GREP1: variants seen among roughly 807,000 people sequenced by gnomAD.
The protein encoded by GREP1 is glycine rich extracellular protein 1, also known as glycine-rich extracellular protein 1.
exon 32 of GREP1, chr16:3,000,581 C>A (rs2072455682): frequency 2.5e-6 from 1 of 398,942 alleles, no homozygotes; most frequent in East Asian, 3.6e-5. Context: ...CTGGTGTACC[C>A]CAAAGCAGCA....
exon 16 of GREP1, chr16:2,995,637 G>T: frequency 2.5e-6 from 1 of 398,094 alleles, no homozygotes; most frequent in South Asian, 1.3e-4. Flanking sequence ...GCCCAGAACC[G>T]ATTTGGATTT....
intron 5 of GREP1, chr16:2,990,330 C>T (rs1486374244): frequency 2.5e-6 from 1 of 398,332 alleles, no homozygotes; most frequent in Non-Finnish European, 4.4e-6. Flanking sequence ...CCCACGAGCC[C>T]TTCCACTAAG....
chr16:2,996,811 G>T, intron 20 of GREP1, 106 bp downstream of exon 19: 1 of 398,852 alleles, frequency 2.5e-6, no homozygotes, highest in South Asian at 1.3e-4. Context: ...CCTCATGAGT[G>T]AGGGGAGGTC....
intron 27 of GREP1, among the ~76,000 whole-genome samples, chr16:2,999,479 C>CTTTTTTT (rs35368761): frequency 1.3e-5 from 1 of 75,500 alleles, no homozygotes; most frequent in Non-Finnish European, 2.4e-5. Flanking sequence ...CCCTCTTGCT[C>CTTTTTTT]TTTTTTTTTT....
chr16:2,991,100 AGGTGAGGAAACGTCG>A lies in GREP1; in HGVS notation c.322+4_322+18del, dbSNP rs2072396819. 3 of 399,030 alleles carry A rather than the reference AGGTGAGGAAACGTCG, an allele frequency of 7.5e-6. No individual in the cohort carries two copies. The highest frequency in any genetic ancestry group is 1.3e-4 in the South Asian group (1 of 7,866). The allele number at this position is 399,030 out of a possible 1,614,324, so 24.7% of individuals were successfully genotyped here. On this transcript the variant is annotated splice_donor_variant and splice_donor_5th_base_variant and coding_sequence_variant and intron_variant, in exon 8 of 35. Transcript: ENST00000573315. LOFTEE classifies it high-confidence loss of function. The surrounding 1 kb of genome is among the most constrained non-coding windows in gnomAD (Gnocchi z 4.9). ...CCTTCCCAGTGGCCGGAGCCCAGTC[AGGTGAGGAAACGTCG>A]GGTGTGGCAGGACCTGGGCTTCCAG...
At chr16:2,994,490 C>T in intron 10 of GREP1, 1 of 379,354 alleles carries the variant, frequency 2.6e-6, no homozygotes, top group Non-Finnish European at 4.7e-6. Flanking sequence ...GCCTGGGCAA[C>T]AAGAGCGAGA....
intron 10 of GREP1, 119 bp from the exon 12 acceptor site, chr16:2,994,579 G>A (rs2072414924): frequency 2.5e-6 from 1 of 398,156 alleles, no homozygotes; most frequent in Admixed American, 4.4e-5. Context: ...GGAGGCTGCT[G>A]AGGAAAGGAA....
At chr16:2,997,257 A>G (rs879612883) in intron 21 of GREP1, 172 bp downstream of exon 20, 1 of 398,692 alleles carries the variant, frequency 2.5e-6, no homozygotes, top group Admixed American at 4.4e-5. Context: ...GCAGGTGGAC[A>G]CCAAAATGAG....
At chr16:2,999,108 C>A (rs2072444056) in intron 26 of GREP1, 129 bp downstream of exon 24, 4 of 398,468 alleles carry the variant, frequency 1.0e-5, no homozygotes, top group South Asian at 1.3e-4. Flanking sequence ...ACTTGTCACA[C>A]AGTGATCTGC....
At position 2,992,816 on chromosome 16, in the gene GREP1, C is replaced by A. The variant is rs1047649523; in HGVS notation, c.334C>A (p.Gln112Lys). ...CTGCCCTCAAACAGGTCCTGCCGCT[C>A]AAAATGGCTTTGGACCAGGTAAAGA... The change falls in exon 9 of 35, where the codon CAA becomes AAA. Residue 112 changes from glutamine (Q) to lysine (K), a missense_variant. By Grantham distance (53) the Gln-to-Lys change is moderately conservative. Transcript: ENST00000573315. This position sits in a 1 kb window ranked among gnomAD's most constrained non-coding sequence, Gnocchi z 4.9. 1 of 399,132 alleles carries A rather than the reference C, an allele frequency of 2.5e-6. No homozygotes were observed. Among genetic ancestry groups the A allele is most frequent in the Admixed American group, 4.4e-5 (1 of 22,740 alleles). 24.7% of individuals were successfully genotyped at this position (399,132 alleles called of 1,614,324 possible). A position where few individuals can be genotyped will look rare whatever the true frequency, so the allele number is the denominator to read the frequency against.
At chr16:3,000,182 C>A in intron 29 of GREP1, 64 bp downstream of exon 26, 1 of 399,242 alleles carries the variant, frequency 2.5e-6, no homozygotes, top group South Asian at 1.3e-4. Context: ...ATGCCTGAGT[C>A]AGTCTGTCTG....
At chr16:2,995,229 G>A (rs2072418492) in intron 13 of GREP1, 55 bp from the exon 15 acceptor site, 1 of 398,906 alleles carries the variant, frequency 2.5e-6, no homozygotes, top group Non-Finnish European at 4.4e-6. Context: ...GGGTTCTGGG[G>A]TGGATCTGAG....
intron 32 of GREP1, 88 bp from the exon 27 acceptor site, chr16:3,000,626 C>A (rs2072456072): frequency 2.5e-6 from 1 of 398,724 alleles, no homozygotes; most frequent in South Asian, 1.3e-4. Flanking sequence ...AAGAAATGAG[C>A]CTTCTGGGAG....
rs954755798 is a variant in GREP1, at chr16:2,989,638, G to A, written c.130+86G>A. ...AGGACAGGAACAGGGAAAGCTGGGC[G>A]GGGGGCAGGTAAAGGGGGAAGCAGT... On this transcript the variant is annotated intron_variant, in intron 3 of 34. Transcript: ENST00000573315. The surrounding 1 kb of genome is among the most constrained non-coding windows in gnomAD (Gnocchi z 4.2). The A allele has an allele frequency of 1.0e-5, 4 of 399,446 alleles. No homozygotes were observed. Among genetic ancestry groups the A allele is most frequent in the Non-Finnish European group, 1.3e-5 (3 of 226,590 alleles). 24.7% of individuals were successfully genotyped at this position (399,446 alleles called of 1,614,324 possible). A position where few individuals can be genotyped will look rare whatever the true frequency, so the allele number is the denominator to read the frequency against.
intron 22 of GREP1, chr16:2,997,560 A>C (rs2072432209): frequency 2.5e-6 from 1 of 397,374 alleles, no homozygotes; most frequent in Non-Finnish European, 4.4e-6. Context: ...AGGCGGCACA[A>C]GGGGGAGGGA....
intron 22 of GREP1, chr16:2,997,467 G>A (rs533909078): frequency 1.4e-4 from 56 of 399,154 alleles, no homozygotes; most frequent in African/African-American, 1.0e-3. Flanking sequence ...GGAAAGAGGT[G>A]GGGGCCTGGC....
intron 5 of GREP1, 176 bp downstream of exon 5, chr16:2,990,298 T>C (rs1227640405): frequency 2.5e-6 from 1 of 397,998 alleles, no homozygotes; most frequent in Admixed American, 4.4e-5. Flanking sequence ...ACCCCAAACC[T>C]CCTCAGCTCA....
exon 19 of GREP1, chr16:2,996,517 C>T (rs914118768): frequency 1.3e-5 from 5 of 399,068 alleles, no homozygotes; most frequent in African/African-American, 6.2e-5. Context: ...GGAAATGGAC[C>T]GGGAGTCCAG....
chr16:2,998,052 G>C (rs2072435860), intron 23 of GREP1, among the ~76,000 whole-genome samples: 1 of 151,138 alleles, frequency 6.6e-6, no homozygotes, highest in Non-Finnish European at 1.5e-5. Flanking sequence ...TTGGGTCTCA[G>C]TGGGGGAAGG....
Sources: gnomAD v4.1 joint callset for allele counts (sites outside exome capture counted in the v4.1 genomes callset) on GRCh38, gnomAD v4.1.1 for gene constraint, Gnocchi (gnomAD v3.1) non-coding constraint, MANE v1.5 for transcripts, NCBI Gene and HGNC (gene_info 2026-07-23, HGNC 2026-07-21) for gene names.